The following KBTBD11 variants were observed in gnomAD, a reference collection of about 807,000 sequenced individuals.
KBTBD11 encodes the protein kelch repeat and BTB domain-containing protein 11.
For missense variants in KBTBD11, 1,390 were observed against 1,001.8 expected (o/e 1.39, Z -5.23); for synonymous variants, 747 against 499.0 (o/e 1.50, Z -6.63).
At position 2,001,040 on chromosome 8, in the gene KBTBD11, C is replaced by T. The variant is rs1285772307; in HGVS notation, c.-153C>T. On this transcript the variant is annotated 5_prime_UTR_variant, in exon 2 of 2. Coordinates refer to ENST00000320248, the MANE Select transcript of KBTBD11 (RefSeq NM_014867.3). The stretch of plus-strand genomic sequence containing the variant: ...CGTGTGAGATTCCCCCCTTCACACA[C>T]ACAACAACAAAGCGTGGACACACAG... 64 of 1,078,608 alleles carry T rather than the reference C, an allele frequency of 5.9e-5. No homozygotes were observed. The highest frequency in any genetic ancestry group is 7.6e-5 in the Non-Finnish European group (64 of 844,836). The allele number at this position is 1,078,608 out of a possible 1,614,324, so 66.8% of individuals were successfully genotyped here. A position where few individuals can be genotyped will look rare whatever the true frequency, so the allele number is the denominator to read the frequency against.
At chr8:1,995,329 A>C (rs1817098282) in intron 1 of KBTBD11, among the ~76,000 whole-genome samples, 3 of 152,134 alleles carry the variant, frequency 2.0e-5, no homozygotes, top group Admixed American at 2.0e-4. Flanking sequence ...AGCAGAAGCC[A>C]CTTTTCTCAT....
Position 2,002,393 on chromosome 8 carries a change from G to A in KBTBD11, c.1201G>A (p.Ala401Thr), listed in dbSNP as rs1817414602. 6.8e-7 allele frequency: 1 copy of A among 1,480,020 alleles called. No homozygotes were observed. The allele number at this position is 1,480,020 out of a possible 1,614,324, so 91.7% of individuals were successfully genotyped here. Residue 401 changes from alanine (A) to threonine (T), a missense_variant, in exon 2 of 2, where the codon GCG becomes ACG. Transcript: ENST00000320248. This position sits in a 1 kb window ranked among gnomAD's most constrained non-coding sequence, Gnocchi z 4.1. Reference sequence around the variant, plus strand: ...GAGCGCCGTGAGGCCCCTGCGCCAGGCGCGCTCGCAGCTGCGGCTGCTGGC... The same window carrying A: ...GAGCGCCGTGAGGCCCCTGCGCCAGACGCGCTCGCAGCTGCGGCTGCTGGC... ...SWSAVRPLRQ[A>T]RSQLRLLALD...
intron 1 of KBTBD11, among the ~76,000 whole-genome samples, chr8:1,988,915 G>A (rs1009268701): frequency 6.7e-6 from 1 of 150,268 alleles, no homozygotes; most frequent in Admixed American, 6.6e-5. Context: ...ACAGTTGTGA[G>A]CAATTGTAGG....
At chr8:1,991,910 G>A (rs1279386256) in intron 1 of KBTBD11, among the ~76,000 whole-genome samples, 1 of 152,140 alleles carries the variant, frequency 6.6e-6, no homozygotes, top group Non-Finnish European at 1.5e-5. Context: ...CCTTCCTGGA[G>A]CTTTGCCAAT....
intron 1 of KBTBD11, among the ~76,000 whole-genome samples, chr8:1,984,252 A>G (rs1455061597): frequency 5.3e-5 from 8 of 150,874 alleles, no homozygotes; most frequent in South Asian, 2.1e-4. Context: ...AGCCTGGGCA[A>G]CATAGTGAGA....
chr8:2,002,371 C>A lies in KBTBD11; in HGVS notation c.1179C>A (p.Ser393Arg), dbSNP rs781084410. ...FCYNPATDSW[S>R]AVRPLRQARS... ...ACAACCCGGCCACGGACAGCTGGAG[C>A]GCCGTGAGGCCCCTGCGCCAGGCGC... The change falls in exon 2 of 2, where the codon AGC becomes AGA. Residue 393 changes from serine (S) to arginine (R), a missense_variant. Coordinates refer to ENST00000320248, the MANE Select transcript of KBTBD11 (RefSeq NM_014867.3). The surrounding 1 kb of genome is among the most constrained non-coding windows in gnomAD (Gnocchi z 4.1). The A allele has an allele frequency of 1.3e-5, 19 of 1,476,146 alleles. No individual in the cohort carries two copies. Among genetic ancestry groups the A allele is most frequent in the Middle Eastern group, 4.5e-4 (2 of 4,452 alleles). The allele number at this position is 1,476,146 out of a possible 1,614,324, so 91.4% of individuals were successfully genotyped here.
At chr8:1,975,593 C>G (rs1432838849) in intron 1 of KBTBD11, among the ~76,000 whole-genome samples, 1 of 152,224 alleles carries the variant, frequency 6.6e-6, no homozygotes, top group African/African-American at 2.4e-5. Context: ...GATGTTTGCA[C>G]AGTGATGAAG....
At chr8:1,987,748 T>A (rs6995375) in intron 1 of KBTBD11, among the ~76,000 whole-genome samples, 2,400 of 151,856 alleles carry the variant, frequency 0.016, 62 homozygotes, top group African/African-American at 0.052. Flanking sequence ...TTATTATTAT[T>A]ATACTTTAAG....
chr8:1,989,761 C>T (rs1418534104), intron 1 of KBTBD11, among the ~76,000 whole-genome samples: 1 of 152,092 alleles, frequency 6.6e-6, no homozygotes, highest in Admixed American at 6.6e-5. Context: ...TGGCTGCGAA[C>T]CTGACCACAG....
At chr8:1,995,001 G>T (rs2004869) in intron 1 of KBTBD11, among the ~76,000 whole-genome samples, 13,256 of 148,220 alleles carry the variant, frequency 0.089, 720 homozygotes, top group Non-Finnish European at 0.13. Flanking sequence ...AGAGGTTGCA[G>T]TGAGCCGAGA....
chr8:1,985,303 G>C lies in KBTBD11; in HGVS notation c.-909+11368G>C, dbSNP rs548043743. Among the ~76,000 whole-genome samples the C allele has an allele frequency of 2.6e-4, 39 of 152,398 alleles. 1 individual carries two copies. Among genetic ancestry groups the C allele is most frequent in the African/African-American group, 9.1e-4 (38 of 41,596 alleles). On this transcript the variant is annotated intron_variant, in intron 1 of 1. Transcript: ENST00000320248. ...GGAGCTCGTCAGAGCAAAGATCAGG[G>C]TGTGCTTTGCTTCTCTGCAGAGAGG...
In KBTBD11 at chr8:1,993,524, TCCATCCACCCACCCACC is replaced by T. The variant is rs1817009254; in HGVS notation, c.-908-6759_-908-6743del. On this transcript the variant is annotated intron_variant, in intron 1 of 1. Transcript: ENST00000320248. ...ATCCATCCATCCATCCATCCACCCA[TCCATCCACCCACCCACC>T]CACCCACCCACCCACCCATCCATCC... is the stretch of plus-strand genomic sequence containing the variant. Among the ~76,000 whole-genome samples the T allele has an allele frequency of 1.7e-3, 158 of 91,304 alleles. 7 individuals are homozygous for T. The highest frequency in any genetic ancestry group is 6.8e-3 in the African/African-American group (152 of 22,420). The allele number at this position is 91,304 out of a possible 152,430, so 59.9% of individuals were successfully genotyped here.
intron 1 of KBTBD11, among the ~76,000 whole-genome samples, chr8:1,981,552 T>G (rs1816541641): frequency 6.6e-6 from 1 of 152,216 alleles, no homozygotes; most frequent in African/African-American, 2.4e-5. Context: ...TAAAGTATTA[T>G]TTCTGGAAGT....
chr8:2,001,726 A>G lies in KBTBD11; in HGVS notation c.534A>G (p.Gly178=). 7.2e-7 allele frequency: 1 copy of G among 1,386,988 alleles called. No homozygotes were observed. Among genetic ancestry groups the G allele is most frequent in the Non-Finnish European group, 9.3e-7 (1 of 1,073,742 alleles). 85.9% of individuals were successfully genotyped at this position (1,386,988 alleles called of 1,614,324 possible). The change falls in exon 2 of 2, where the codon GGA becomes GGG. Residue 178 remains glycine (G), a synonymous_variant. Transcript: ENST00000320248. ...CGCGGGACGTGCTGCGGGTGCAGGG[A>G]GTGAGCCTGACGGCGCTGCGGCTGC... ...RASRDVLRVQ[G]VSLTALRLLL...
At chr8:1,978,875 G>A (rs747466983) in intron 1 of KBTBD11, among the ~76,000 whole-genome samples, 5 of 152,164 alleles carry the variant, frequency 3.3e-5, no homozygotes, top group Admixed American at 1.3e-4. Flanking sequence ...AGTCATCATG[G>A]AAGTCAGGTG....
In KBTBD11 at chr8:2,001,288, G is replaced by T; in HGVS notation, c.96G>T (p.Gln32His). 6.6e-7 allele frequency: 1 copy of T among 1,524,558 alleles called. No individual in the cohort carries two copies. The allele number at this position is 1,524,558 out of a possible 1,614,324, so 94.4% of individuals were successfully genotyped here. Residue 32 changes from glutamine (Q) to histidine (H), a missense_variant, in exon 2 of 2, where the codon CAG becomes CAT. Coordinates refer to ENST00000320248, the MANE Select transcript of KBTBD11 (RefSeq NM_014867.3). ...SESEGAASPAQTPCSLGASLC... is the reference protein window; with the variant it reads ...SESEGAASPAHTPCSLGASLC... Reference sequence around the variant, plus strand: ...GCGAGGGCGCCGCGTCCCCGGCGCAGACACCCTGCAGTCTCGGCGCGTCCC... The same window carrying T: ...GCGAGGGCGCCGCGTCCCCGGCGCATACACCCTGCAGTCTCGGCGCGTCCC...
chr8:1,981,139 G>C (rs4875934), intron 1 of KBTBD11, among the ~76,000 whole-genome samples: 1 of 151,934 alleles, frequency 6.6e-6, no homozygotes. Flanking sequence ...TGATCTATTC[G>C]AAGTGCTGAA....
chr8:2,002,401 G>A lies in KBTBD11; in HGVS notation c.1209G>A (p.Ser403=). The A allele has an allele frequency of 2.0e-6, 3 of 1,479,666 alleles. No individual in the cohort carries two copies. The highest frequency in any genetic ancestry group is 2.3e-5 in the Admixed American group (1 of 44,060). The allele number at this position is 1,479,666 out of a possible 1,614,324, so 91.7% of individuals were successfully genotyped here. The change falls in exon 2 of 2, where the codon TCG becomes TCA. Residue 403 remains serine (S), a synonymous_variant. Transcript: ENST00000320248. This position sits in a 1 kb window ranked among gnomAD's most constrained non-coding sequence, Gnocchi z 4.1. The part of the protein sequence containing the change: ...SAVRPLRQAR[S]QLRLLALDGH... ...TGAGGCCCCTGCGCCAGGCGCGCTC[G>A]CAGCTGCGGCTGCTGGCCCTGGACG...
rs1441807280 is a variant in KBTBD11 at position 2,005,241 on chromosome 8, A to G, written c.*2177A>G. The G allele has an allele frequency of 1.8e-5, 3 of 167,040 alleles. No homozygotes were observed. Among genetic ancestry groups the G allele is most frequent in the East Asian group, 1.9e-4 (1 of 5,190 alleles). The allele number at this position is 167,040 out of a possible 1,614,324, so 10.3% of individuals were successfully genotyped here. A position where few individuals can be genotyped will look rare whatever the true frequency, so the allele number is the denominator to read the frequency against. On this transcript the variant is annotated 3_prime_UTR_variant, in exon 2 of 2. Transcript: ENST00000320248. ...AGCAAAGCCCCAGGTGCTCCCTGTC[A>G]CCTCACAACAAAATGCACTAAGAAA... is the stretch of plus-strand genomic sequence containing the variant.
Sources: allele counts gnomAD v4.1 joint callset (sites outside exome capture counted in the v4.1 genomes callset), GRCh38; gene constraint gnomAD v4.1.1; non-coding constraint Gnocchi (gnomAD v3.1); transcripts MANE v1.5; gene names NCBI Gene and HGNC (gene_info 2026-07-23, HGNC 2026-07-21).